Variants in CEP112 observed in about 807,000 individuals in gnomAD.
CEP112 encodes centrosomal protein 112.
Under a neutral mutation model 153.0 loss-of-function variants are expected in CEP112, and 127 were observed. The observed-to-expected ratio is 0.83, with a 90% confidence interval of 0.72 to 0.96. The LOEUF (loss-of-function observed/expected upper bound fraction) is 0.96, where lower values mean the gene tolerates loss of function less well. CEP112 is among the 40% of genes least tolerant of loss of function. The pLI, the probability that CEP112 is intolerant of heterozygous loss-of-function variation, is 0.00. For missense variants in CEP112, 1,089 were observed against 1,101.2 expected, an observed-to-expected ratio of 0.99 and a Z score of 0.16; for synonymous variants, 358 against 374.4, an observed-to-expected ratio of 0.96 and a Z score of 0.51.
chr17:66,060,472 G>T (rs928207884), intron 11 of CEP112, among the ~76,000 whole-genome samples: 9 of 152,060 alleles, frequency 5.9e-5, no homozygotes, highest in African/African-American at 2.2e-4. Context: ...GAAGAACAAA[G>T]GTGGAGGCAT....
chr17:65,773,077 A>T (rs2053474846), intron 21 of CEP112, among the ~76,000 whole-genome samples: 1 of 152,250 alleles, frequency 6.6e-6, no homozygotes, highest in Admixed American at 6.5e-5. Flanking sequence ...CCCAGCAGAT[A>T]AAGAACTTGT....
At chr17:66,081,523 A>G (rs551029455) in intron 8 of CEP112, among the ~76,000 whole-genome samples, 4 of 152,216 alleles carry the variant, frequency 2.6e-5, no homozygotes, top group African/African-American at 9.6e-5. Flanking sequence ...TATGAAATCT[A>G]TAACAGTTCT....
chr17:65,715,681 G>A (rs981297478), intron 23 of CEP112, among the ~76,000 whole-genome samples: 1 of 152,066 alleles, frequency 6.6e-6, no homozygotes, highest in Non-Finnish European at 1.5e-5. Flanking sequence ...TTGATCTCCC[G>A]ACCTTGTGAT....
intron 8 of CEP112, among the ~76,000 whole-genome samples, chr17:66,090,057 C>A (rs987261094): frequency 1.3e-5 from 2 of 151,932 alleles, no homozygotes; most frequent in Non-Finnish European, 2.9e-5. Context: ...CAATAACTGC[C>A]AACCAAGAAT....
At chr17:65,870,074 AAAG>A (rs1415080102) in intron 20 of CEP112, among the ~76,000 whole-genome samples, 17 of 149,442 alleles carry the variant, frequency 1.1e-4, no homozygotes, top group African/African-American at 3.7e-4. Context: ...AGAAAGAAAG[AAAG>A]AAAGAAAAGA....
chr17:66,029,277 C>G (rs764213112), intron 13 of CEP112, 25 bp from the exon 14 acceptor site: 2 of 1,593,662 alleles, frequency 1.3e-6, no homozygotes, highest in Non-Finnish European at 1.7e-6. Flanking sequence ...ATAAAATAGA[C>G]TTTCAATGTA....
chr17:65,680,601 G>A (rs1171757118), intron 24 of CEP112, among the ~76,000 whole-genome samples: 2 of 152,160 alleles, frequency 1.3e-5, no homozygotes, highest in African/African-American at 4.8e-5. Context: ...TCCCAGCTCA[G>A]GTCCCACCCT....
chr17:65,867,009 A>C (rs2058510057), intron 20 of CEP112, among the ~76,000 whole-genome samples: 1 of 151,876 alleles, frequency 6.6e-6, no homozygotes, highest in Non-Finnish European at 1.5e-5. Flanking sequence ...AGACGAGAGA[A>C]GGAGAAGAGC....
chr17:65,989,297 G>T (rs2063513555), intron 17 of CEP112, among the ~76,000 whole-genome samples: 1 of 148,474 alleles, frequency 6.7e-6, no homozygotes, highest in Non-Finnish European at 1.5e-5. Context: ...ACCCAAATAA[G>T]ACTATCCCAA....
intron 20 of CEP112, among the ~76,000 whole-genome samples, chr17:65,895,820 T>C (rs1330749308): frequency 6.6e-6 from 1 of 152,108 alleles, no homozygotes; most frequent in Admixed American, 6.6e-5. Context: ...TACTGCTAGA[T>C]ACTTACACAC....
chr17:65,692,166 C>T (rs2048135095), intron 23 of CEP112, among the ~76,000 whole-genome samples: 1 of 151,960 alleles, frequency 6.6e-6, no homozygotes, highest in Non-Finnish European at 1.5e-5. Context: ...ATTGAGGCTC[C>T]ATGCAGTTAA....
chr17:65,995,883 C>T (rs2063768370), intron 17 of CEP112, among the ~76,000 whole-genome samples: 1 of 152,122 alleles, frequency 6.6e-6, no homozygotes, highest in Non-Finnish European at 1.5e-5. Flanking sequence ...GGGAAAACTC[C>T]TTTCACTTGG....
Position 65,821,493 on chromosome 17 carries a change from T to A in CEP112, c.2394+30311A>T, listed in dbSNP as rs533610598. ...TATCAAATTATTAAACTTATATATA[T>A]AATTATATATATATATATAATTATA... On this transcript the variant is annotated intron_variant, in intron 21 of 26. Coordinates refer to ENST00000535342, the MANE Select transcript of CEP112 (RefSeq NM_001199165.4). Among the ~76,000 whole-genome samples, 1,028 of 130,642 alleles carry A rather than the reference T, an allele frequency of 7.9e-3. 18 individuals are homozygous for A. The highest frequency in any genetic ancestry group is 0.028 in the African/African-American group (986 of 34,806). 85.7% of individuals were successfully genotyped at this position (130,642 alleles called of 152,430 possible).
intron 4 of CEP112, among the ~76,000 whole-genome samples, chr17:66,156,762 C>A (rs1255386163): frequency 6.6e-6 from 1 of 151,880 alleles, no homozygotes; most frequent in African/African-American, 2.4e-5. Context: ...CCAAATTGAT[C>A]AAGCGGAAGA....
At chr17:65,825,734 GAA>G (rs1435961732) in intron 21 of CEP112, among the ~76,000 whole-genome samples, 1 of 152,048 alleles carries the variant, frequency 6.6e-6, no homozygotes, top group Non-Finnish European at 1.5e-5. Context: ...GAAAAACAAT[GAA>G]AGGTACAGAG....
chr17:65,937,471 G>T (rs1375121846), intron 18 of CEP112, among the ~76,000 whole-genome samples: 6 of 97,586 alleles, frequency 6.1e-5, no homozygotes, highest in African/African-American at 1.3e-4. Context: ...CGGCCGCCCC[G>T]TCTGAGAAGT....
intron 2 of CEP112, among the ~76,000 whole-genome samples, chr17:66,181,231 T>C (rs1282803616): frequency 6.6e-6 from 1 of 152,220 alleles, no homozygotes; most frequent in Non-Finnish European, 1.5e-5. Flanking sequence ...TTGTTTAAGA[T>C]GTGAGTTTCA....
chr17:65,763,617 C>T (rs1021430515), intron 21 of CEP112, among the ~76,000 whole-genome samples: 6 of 151,764 alleles, frequency 4.0e-5, no homozygotes, highest in African/African-American at 1.5e-4. Flanking sequence ...CTATCACAGT[C>T]TTCATTTCTG....
intron 23 of CEP112, among the ~76,000 whole-genome samples, chr17:65,702,492 A>G (rs1049776199): frequency 5.9e-5 from 9 of 152,344 alleles, no homozygotes; most frequent in African/African-American, 2.2e-4. Context: ...AGGTGAGTAC[A>G]AATACAGACA....
Sources: gnomAD v4.1 joint callset for allele counts (sites outside exome capture counted in the v4.1 genomes callset) on GRCh38, gnomAD v4.1.1 for gene constraint, MANE v1.5 for transcripts, NCBI Gene and HGNC (gene_info 2026-07-23, HGNC 2026-07-21) for gene names.